The following ELOVL2 variants were observed in gnomAD, a reference collection of about 807,000 sequenced individuals.
The protein encoded by ELOVL2 is ELOVL fatty acid elongase 2.
A neutral mutation model predicts 37.7 loss-of-function variants in ELOVL2; 38 were observed. The observed-to-expected ratio is 1.01, with a 90% CI of 0.78 to 1.32. The LOEUF (loss-of-function observed/expected upper bound fraction) is 1.32, where lower values mean the gene tolerates loss of function less well. Ranked by LOEUF, ELOVL2 falls within the 40% of genes most tolerant of loss-of-function variation. ELOVL2 has a pLI of 0.00. For synonymous variants in ELOVL2, 115 were observed against 122.3 expected, an observed-to-expected ratio of 0.94 and a Z score of 0.40; for missense variants, 352 against 363.6, an observed-to-expected ratio of 0.97 and a Z score of 0.26.
chr6:11,039,191 G>A (rs1247400405), intron 1 of ELOVL2, among the ~76,000 whole-genome samples: 1 of 152,228 alleles, frequency 6.6e-6, no homozygotes, highest in South Asian at 2.1e-4. Context: ...ACACCATTTA[G>A]CAAGTGAGTA....
intron 7 of ELOVL2, among the ~76,000 whole-genome samples, chr6:10,985,667 G>A (rs911914896): frequency 5.3e-5 from 8 of 151,820 alleles, no homozygotes; most frequent in African/African-American, 1.9e-4. Context: ...TAGATACGCA[G>A]CATTATTTCT....
In ELOVL2 at chr6:11,042,832, C is replaced by T. The variant is rs148386477; in HGVS notation, c.3+1396G>A. 2.7e-4 allele frequency among the ~76,000 whole-genome samples: 41 copies of T among 152,228 alleles called. No homozygotes were observed. In the East Asian group the frequency reaches 5.8e-3, roughly 21 times the overall value. The stretch of plus-strand genomic sequence containing the variant: ...CTGTGCATTAACATAAAGCAGCTTG[C>T]TTTATTGGGTTAATTCAAAAGAGTT... On this transcript the variant is annotated intron_variant, in intron 1 of 7. Transcript: ENST00000354666.
intron 1 of ELOVL2, among the ~76,000 whole-genome samples, chr6:11,021,922 G>A (rs1782770516): frequency 6.6e-6 from 1 of 152,172 alleles, no homozygotes; most frequent in Non-Finnish European, 1.5e-5. Flanking sequence ...CTAAGGAGGT[G>A]CGTTGGTGGA....
intron 1 of ELOVL2, among the ~76,000 whole-genome samples, chr6:11,020,812 T>C (rs968673116): frequency 1.3e-5 from 2 of 152,160 alleles, no homozygotes; most frequent in African/African-American, 2.4e-5. Flanking sequence ...GCAAGCATGG[T>C]CCAGTGACAA....
rs540980412 is a variant in ELOVL2 at position 11,005,476 on chromosome 6, G to A, written c.151C>T (p.Leu51=). Residue 51 remains leucine (L), a synonymous_variant, in exon 3 of 8, where the codon CTG becomes TTG. Transcript: ENST00000354666. ...CTGTTCTTCATATACTTGTTACCCA[G>A]CCATATTGAGAGCAGATACATGACA... ...LTVMYLLSIW[L]GNKYMKNRPA... is the part of the protein sequence containing the mutation. 37 of 1,614,034 alleles carry A rather than the reference G, an allele frequency of 2.3e-5. 1 individual carries two copies. The South Asian group carries it at 3.8e-4, about 17-fold the overall frequency.
Position 11,044,210 on chromosome 6 carries a change from G to A in ELOVL2, c.3+18C>T. 1.4e-6 allele frequency: 2 copies of A among 1,446,490 alleles called. No homozygotes were observed. Among genetic ancestry groups the A allele is most frequent in the Admixed American group, 2.6e-5 (1 of 38,794 alleles). 89.6% of individuals were successfully genotyped at this position (1,446,490 alleles called of 1,614,324 possible). On this transcript the variant is annotated intron_variant, in intron 1 of 7. Transcript: ENST00000354666. This position sits in a 1 kb window ranked among gnomAD's most constrained non-coding sequence, Gnocchi z 5.6. ...AGAAAGCGCGGCGGTGTCGGTGGCGGCGCGCGGCCCCACTCACCATGATCC... is the reference window on the plus strand; with the variant it reads ...AGAAAGCGCGGCGGTGTCGGTGGCGACGCGCGGCCCCACTCACCATGATCC...
chr6:11,010,322 A>T (rs572373427), intron 2 of ELOVL2, among the ~76,000 whole-genome samples: 1 of 152,286 alleles, frequency 6.6e-6, no homozygotes, highest in Admixed American at 6.5e-5. Context: ...ACACCCAGCC[A>T]GCGCACACAT....
chr6:11,027,218 C>G (rs1230901792), intron 1 of ELOVL2, among the ~76,000 whole-genome samples: 2 of 152,132 alleles, frequency 1.3e-5, no homozygotes, highest in Admixed American at 1.3e-4. Context: ...TCGATTTTTA[C>G]TATAGAAATT....
chr6:11,009,214 GAAT>G (rs1320079417), intron 2 of ELOVL2, among the ~76,000 whole-genome samples: 1 of 152,152 alleles, frequency 6.6e-6, no homozygotes, highest in African/African-American at 2.4e-5. Context: ...GGTTGAAACA[GAAT>G]GATGAGGGAC....
At chr6:11,039,648 TAC>T (rs1561730774) in intron 1 of ELOVL2, among the ~76,000 whole-genome samples, 1 of 152,238 alleles carries the variant, frequency 6.6e-6, no homozygotes, top group Non-Finnish European at 1.5e-5. Flanking sequence ...TCTACTGTAC[TAC>T]AGACTACTAG....
At chr6:11,041,717 TTA>T (rs1274888980) in intron 1 of ELOVL2, among the ~76,000 whole-genome samples, 3 of 152,236 alleles carry the variant, frequency 2.0e-5, no homozygotes, top group African/African-American at 7.2e-5. Context: ...ATAGCTATAA[TTA>T]CATAATTTTC....
intron 7 of ELOVL2, among the ~76,000 whole-genome samples, chr6:10,985,183 A>ATGTC (rs1782024863): frequency 6.6e-6 from 1 of 151,898 alleles, no homozygotes; most frequent in Non-Finnish European, 1.5e-5. Flanking sequence ...GTGTCTGTTC[A>ATGTC]TGTCTTTCGC....
chr6:10,996,958 C>T (rs899998932), intron 4 of ELOVL2, among the ~76,000 whole-genome samples: 2 of 152,040 alleles, frequency 1.3e-5, no homozygotes, highest in Admixed American at 6.5e-5. Flanking sequence ...TGCACTGAGC[C>T]GAGATGGCAC....
intron 2 of ELOVL2, among the ~76,000 whole-genome samples, chr6:11,010,023 C>CTTTT (rs150370092): frequency 1.5e-5 from 2 of 133,034 alleles, no homozygotes; most frequent in African/African-American, 2.7e-5. Flanking sequence ...GCGCACACAT[C>CTTTT]TTTTTTTTTT....
chr6:10,995,851 G>A (rs907087084), intron 4 of ELOVL2, among the ~76,000 whole-genome samples: 3 of 152,068 alleles, frequency 2.0e-5, no homozygotes, highest in African/African-American at 7.2e-5. Flanking sequence ...CTCAACAGGA[G>A]GTCATTATTA....
At chr6:11,006,980 CAT>C (rs1782493130) in intron 2 of ELOVL2, among the ~76,000 whole-genome samples, 1 of 152,220 alleles carries the variant, frequency 6.6e-6, no homozygotes, top group Non-Finnish European at 1.5e-5. Flanking sequence ...TTCTAATTCA[CAT>C]ATTATTATGG....
chr6:11,027,343 GAGT>G (rs1782854561), intron 1 of ELOVL2, among the ~76,000 whole-genome samples: 1 of 152,072 alleles, frequency 6.6e-6, no homozygotes, highest in Non-Finnish European at 1.5e-5. Context: ...AACCTCAGAT[GAGT>G]AGGAGCAGCT....
chr6:11,023,750 C>T (rs978384965), intron 1 of ELOVL2, among the ~76,000 whole-genome samples: 20 of 152,154 alleles, frequency 1.3e-4, no homozygotes, highest in Admixed American at 9.2e-4. Context: ...TGACTGCATC[C>T]TCTTTTCTAG....
At position 11,000,111 on chromosome 6, in the gene ELOVL2, G is replaced by C; in HGVS notation, c.309C>G (p.Thr103=). The C allele has an allele frequency of 1.2e-6, 2 of 1,614,128 alleles. No individual in the cohort carries two copies. Among genetic ancestry groups the C allele is most frequent in the Non-Finnish European group, 1.7e-6 (2 of 1,179,984 alleles). ...GGYNLQCQDL[T]SAGEADIRVA... is the part of the protein sequence containing the mutation. ...CCCGGATGTCAGCTTCCCCTGCGCT[G>C]GTAAGATCTTGACACTGTAAGTTGT... Residue 103 remains threonine (T), a synonymous_variant, in exon 4 of 8, where the codon ACC becomes ACG. Coordinates refer to ENST00000354666, the MANE Select transcript of ELOVL2 (RefSeq NM_017770.4).
Sources: gnomAD v4.1 joint callset for allele counts (sites outside exome capture counted in the v4.1 genomes callset) on GRCh38, gnomAD v4.1.1 for gene constraint, Gnocchi (gnomAD v3.1) non-coding constraint, MANE v1.5 for transcripts, NCBI Gene and HGNC (gene_info 2026-07-23, HGNC 2026-07-21) for gene names.